The following STX6 variants were observed in gnomAD, a reference collection of about 807,000 sequenced individuals.
STX6 encodes syntaxin-6.
In STX6, 23 loss-of-function variants were observed where a neutral mutation model predicts 38.0. The observed-to-expected ratio is 0.60, with a 90% CI of 0.43 to 0.86. The LOEUF is 0.86. Ranked by LOEUF, STX6 falls within the 40% of genes least tolerant of loss-of-function variation. The probability of loss-of-function intolerance (pLI) is 0.00; values close to 1 mark genes in which losing one functional copy is unlikely to be tolerated. For missense variants in STX6, 274 were observed against 312.9 expected (o/e 0.88, Z 0.94); for synonymous variants, 123 against 107.5 (o/e 1.14, Z -0.89).
chr1:181,008,093 T>G (rs1326033873), intron 1 of STX6, among the ~76,000 whole-genome samples: 1 of 152,248 alleles, frequency 6.6e-6, no homozygotes, highest in Non-Finnish European at 1.5e-5. Context: ...TTTTTGATAG[T>G]ATACCAAAAC....
chr1:181,015,228 A>G (rs888381382), intron 1 of STX6, among the ~76,000 whole-genome samples: 15 of 151,866 alleles, frequency 9.9e-5, no homozygotes, highest in African/African-American at 3.6e-4. Flanking sequence ...AACCCTAACC[A>G]CTCAGCCAGG....
At chr1:180,976,755 C>A in intron 7 of STX6, 109 bp from the exon 8 acceptor site, 1 of 991,082 alleles carries the variant, frequency 1.0e-6, no homozygotes. Flanking sequence ...GCAGAACGTG[C>A]AAATGACGGG....
rs911164940 is a variant in STX6 at position 180,974,959 on chromosome 1, T to G, written c.*1611A>C. On this transcript the variant is annotated 3_prime_UTR_variant, in exon 8 of 8. Transcript: ENST00000258301. ...TGATCTCAAATGAGATAAAATATCC[T>G]TCTTCAAAAATTGTTAAGAATATTT... 1 of 152,630 alleles carries G rather than the reference T, an allele frequency of 6.6e-6. No individual in the cohort carries two copies. Among genetic ancestry groups the G allele is most frequent in the Non-Finnish European group, 1.5e-5 (1 of 68,040 alleles). The allele number at this position is 152,630 out of a possible 1,614,324, so 9.5% of individuals were successfully genotyped here. A position where few individuals can be genotyped will look rare whatever the true frequency, so the allele number is the denominator to read the frequency against.
chr1:180,993,375 T>C lies in STX6; in HGVS notation c.351A>G (p.Arg117=), dbSNP rs1428227134. The change falls in exon 4 of 8, where the codon AGA becomes AGG. Residue 117 remains arginine (R), a synonymous_variant. Transcript: ENST00000258301. ...STSSVQALAE[R]KNRQALLGDS... The stretch of plus-strand genomic sequence containing the variant: ...GATGTTTTCTCACCTGTCTATTTTT[T>C]CTTTCAGCTAATGCCTGCACAGATG... 1 of 1,576,422 alleles carries C rather than the reference T, an allele frequency of 6.3e-7. No individual in the cohort carries two copies. Among genetic ancestry groups the C allele is most frequent in the Non-Finnish European group, 8.7e-7 (1 of 1,146,804 alleles).
chr1:180,983,749 G>A (rs1655480078), intron 7 of STX6, among the ~76,000 whole-genome samples: 1 of 152,158 alleles, frequency 6.6e-6, no homozygotes, highest in Non-Finnish European at 1.5e-5. Flanking sequence ...AAATAAAGAA[G>A]GATTTTGTAA....
At chr1:180,992,387 A>G (rs1655779621) in intron 4 of STX6, among the ~76,000 whole-genome samples, 1 of 152,254 alleles carries the variant, frequency 6.6e-6, no homozygotes. Flanking sequence ...AAGTGTCTTG[A>G]CAAATACCCA....
intron 1 of STX6, among the ~76,000 whole-genome samples, chr1:181,018,158 G>A (rs1320319290): frequency 6.6e-6 from 1 of 152,052 alleles, no homozygotes; most frequent in Non-Finnish European, 1.5e-5. Context: ...GCCAAGGTGT[G>A]TGGATCACCT....
intron 1 of STX6, among the ~76,000 whole-genome samples, chr1:181,011,197 T>G (rs923086066): frequency 2.6e-5 from 4 of 152,224 alleles, no homozygotes; most frequent in Non-Finnish European, 4.4e-5. Context: ...AAAGGTAAAC[T>G]AGTCGTTATT....
intron 7 of STX6, 45 bp from the exon 8 acceptor site, chr1:180,976,691 T>C (rs1655266676): frequency 1.3e-6 from 2 of 1,553,568 alleles, no homozygotes; most frequent in African/African-American, 1.4e-5. Flanking sequence ...GGACTCCACA[T>C]TCCCCAAGAT....
chr1:181,012,020 T>C (rs1656416194), intron 1 of STX6, among the ~76,000 whole-genome samples: 1 of 152,230 alleles, frequency 6.6e-6, no homozygotes, highest in Non-Finnish European at 1.5e-5. Flanking sequence ...TCCTCAACTA[T>C]GTAATCAGAA....
In STX6 at chr1:180,976,173, G is replaced by A; in HGVS notation, c.*397C>T. ...TAGATGGGACAGCGGTGCACTGTCT[G>A]AGCACGGGGAAGGGTCTGAGCAGAA... On this transcript the variant is annotated 3_prime_UTR_variant, in exon 8 of 8. Transcript: ENST00000258301. 5.0e-6 allele frequency: 1 copy of A among 200,276 alleles called. No homozygotes were observed. Among genetic ancestry groups the A allele is most frequent in the Non-Finnish European group, 1.0e-5 (1 of 95,280 alleles). 12.4% of individuals were successfully genotyped at this position (200,276 alleles called of 1,614,324 possible). A position where few individuals can be genotyped will look rare whatever the true frequency, so the allele number is the denominator to read the frequency against.
rs768664573 is a variant in STX6 at position 180,990,079 on chromosome 1, A to G, written c.394T>C (p.Trp132Arg). ...TATTTATCTGTTGTTCCAGTGCTCC[A>G]GTTCTGGCTGCCACTGTCTCCCAGC... is the stretch of plus-strand genomic sequence containing the variant. ...ALLGDSGSQN[W>R]STGTTDKYGR... The change falls in exon 5 of 8, where the codon TGG (tryptophan) becomes CGG (arginine). Residue 132 changes from tryptophan to arginine, a missense_variant. Physicochemically the swap from Trp to Arg is moderately radical, Grantham distance 101 (BLOSUM62 -3). Transcript: ENST00000258301. The G allele has an allele frequency of 4.3e-6, 7 of 1,614,042 alleles. 1 individual carries two copies. Among genetic ancestry groups the G allele is most frequent in the South Asian group, 3.3e-5 (3 of 91,082 alleles).
chr1:181,002,780 GCAAA>G (rs1656120779), intron 2 of STX6, 80 bp from the exon 3 acceptor site: 2 of 939,564 alleles, frequency 2.1e-6, no homozygotes, highest in Admixed American at 4.1e-5. Context: ...TCTCTCACAT[GCAAA>G]CAAATAAAAT....
At chr1:181,003,878 A>G (rs1227118634) in intron 2 of STX6, among the ~76,000 whole-genome samples, 1 of 152,262 alleles carries the variant, frequency 6.6e-6, no homozygotes, top group African/African-American at 2.4e-5. Flanking sequence ...AGCAGAGCAG[A>G]TCTGCTTTTA....
At chr1:180,981,718 G>A (rs1655421434) in intron 7 of STX6, among the ~76,000 whole-genome samples, 1 of 152,140 alleles carries the variant, frequency 6.6e-6, no homozygotes, top group Non-Finnish European at 1.5e-5. Context: ...CTCTGAAGTG[G>A]CTAAGCTGCC....
At chr1:181,018,502 A>T (rs1401726190) in intron 1 of STX6, among the ~76,000 whole-genome samples, 1 of 150,480 alleles carries the variant, frequency 6.6e-6, no homozygotes, top group Non-Finnish European at 1.5e-5. Context: ...ATTTGTAATA[A>T]ATATATAAAT....
At chr1:180,998,345 C>T (rs767825894) in intron 3 of STX6, among the ~76,000 whole-genome samples, 3 of 151,994 alleles carry the variant, frequency 2.0e-5, no homozygotes, top group Non-Finnish European at 2.9e-5. Context: ...CCACCACCAC[C>T]GCGGGTAAGG....
intron 1 of STX6, among the ~76,000 whole-genome samples, chr1:181,010,333 ACT>A (rs1656355141): frequency 6.6e-6 from 1 of 151,968 alleles, no homozygotes; most frequent in African/African-American, 2.4e-5. Context: ...ACAGAATCTC[ACT>A]CTGTCACCCA....
rs1009548726 is a variant in STX6, at chr1:180,999,810, G to A, written c.300+2796C>T. On this transcript the variant is annotated intron_variant, in intron 3 of 7. Coordinates refer to ENST00000258301, the MANE Select transcript of STX6 (RefSeq NM_005819.6). ...AAGCCCACTAGTAATAGTAACAGAA[G>A]AACTAACATAAATTTGTACAAATTC... 1.3e-4 allele frequency among the ~76,000 whole-genome samples: 20 copies of A among 152,108 alleles called. No individual in the cohort carries two copies. The East Asian group carries it at 3.7e-3, about 28-fold the overall frequency.
Sources: allele counts gnomAD v4.1 joint callset (sites outside exome capture counted in the v4.1 genomes callset), GRCh38; gene constraint gnomAD v4.1.1; transcripts MANE v1.5; gene names NCBI Gene and HGNC (gene_info 2026-07-23, HGNC 2026-07-21).